Variants in ARSL observed in about 807,000 individuals in gnomAD.
The protein encoded by ARSL is arylsulfatase E (chondrodysplasia punctata 1).
ARSL carries 4 observed loss-of-function variants against 31.1 expected under a neutral mutation model. The observed-to-expected ratio is 0.13, with a 90% CI of 0.06 to 0.29. ARSL has a LOEUF of 0.29. Among genes scored for constraint, ARSL ranks in the 10% least tolerant of loss-of-function variants. The pLI is 1.00. For missense variants in ARSL, 312 were observed against 497.8 expected (o/e 0.63, Z 3.55); for synonymous variants, 198 against 209.9 (o/e 0.94, Z 0.49).
chrX:2,935,654 G>T (rs1171149594), intron 10 of ARSL, among the ~76,000 whole-genome samples: 4 of 108,410 alleles, frequency 3.7e-5, no homozygotes, highest in Non-Finnish European at 5.7e-5. Context: ...CCTGTGAATT[G>T]CACTCAGTCA....
chrX:2,953,909 C>T (rs1171506745), intron 4 of ARSL, among the ~76,000 whole-genome samples: 2 of 110,007 alleles, frequency 1.8e-5, no homozygotes, highest in Non-Finnish European at 3.8e-5. Context: ...TTGGCAGAGA[C>T]GGGGTCTCAC....
chrX:2,960,456 A>G (rs200904623), intron 1 of ARSL, 36 bp from the exon 2 acceptor site: 145 of 1,190,744 alleles, frequency 1.2e-4, no homozygotes, highest in Admixed American at 4.5e-5. Flanking sequence ...TCACATTGAC[A>G]GCAGAAATTG....
At chrX:2,956,913 ATTTTT>A (rs1038149934) in intron 3 of ARSL, among the ~76,000 whole-genome samples, 1 of 105,561 alleles carries the variant, frequency 9.5e-6, no homozygotes, top group South Asian at 4.4e-4. Context: ...TGCCTGGCTA[ATTTTT>A]TTTTTAATTT....
At chrX:2,965,355 G>A (rs1001097369), upstream of ARSL, among the ~76,000 whole-genome samples, 1 of 108,052 alleles carries the variant, frequency 9.3e-6, no homozygotes, top group Admixed American at 1.0e-4. Flanking sequence ...AGAAAAATTA[G>A]CCAGGCATGG....
At chrX:2,945,893 A>G (rs2089371881) in intron 7 of ARSL, 105 bp downstream of exon 7, 1 of 1,079,350 alleles carries the variant, frequency 9.3e-7, no homozygotes, top group African/African-American at 1.8e-5. Flanking sequence ...TCGCACTGCA[A>G]TCGCTATTCT....
chrX:2,954,439 G>A (rs1414720256), intron 4 of ARSL, among the ~76,000 whole-genome samples: 2 of 111,194 alleles, frequency 1.8e-5, no homozygotes, highest in African/African-American at 6.6e-5. Flanking sequence ...GGGATTACAG[G>A]CACTCATCAT....
chrX:2,954,770 T>C (rs549879753), intron 4 of ARSL, among the ~76,000 whole-genome samples: 1 of 111,895 alleles, frequency 8.9e-6, no homozygotes, highest in South Asian at 3.7e-4. Context: ...GGGTGAGCCA[T>C]GCTGTGTGAC....
chrX:2,935,310 G>A (rs753170566), intron 10 of ARSL, 120 bp from the exon 11 acceptor site: 2 of 628,207 alleles, frequency 3.2e-6, no homozygotes, highest in East Asian at 3.3e-5. Context: ...TGGATGGACA[G>A]ATAAACAAAA....
intron 5 of ARSL, among the ~76,000 whole-genome samples, chrX:2,952,458 C>A (rs758720213): frequency 9.0e-6 from 1 of 110,833 alleles, no homozygotes. Context: ...TGAGCCACCG[C>A]GCCTGACCAG....
In ARSL at chrX:2,949,716, G is replaced by C; in HGVS notation, c.442C>G (p.Leu148Val). 8.3e-7 allele frequency: 1 copy of C among 1,211,156 alleles called. No homozygotes were observed. The highest frequency in any genetic ancestry group is 1.7e-5 in the African/African-American group (1 of 57,871). Reference protein sequence around the residue: ...YATGLIGKWHLGLNCESASDH... With the variant: ...YATGLIGKWHVGLNCESASDH... ...CTGGCTGACTCACAGTTGAGACCCA[G>C]ATGCCATTTTCCTGAGAGGCAAAAA... The change falls in exon 6 of 11, where the codon CTG becomes GTG. Residue 148 changes from leucine to valine, a missense_variant. By Grantham distance (32) the Leu-to-Val change is conservative. Transcript: ENST00000381134.
intron 3 of ARSL, among the ~76,000 whole-genome samples, chrX:2,956,707 G>T (rs1382152167): frequency 9.2e-6 from 1 of 108,224 alleles, no homozygotes; most frequent in African/African-American, 3.4e-5. Context: ...CAAGTGATCA[G>T]CCTGCCTTGG....
intron 7 of ARSL, 69 bp from the exon 8 acceptor site, chrX:2,943,268 T>C: frequency 8.6e-7 from 1 of 1,157,131 alleles, no homozygotes; most frequent in Non-Finnish European, 1.2e-6. Flanking sequence ...CTGAAGTGTA[T>C]GCTTTAGCAT....
At chrX:2,941,048 A>G (rs1408992377) in intron 8 of ARSL, among the ~76,000 whole-genome samples, 2 of 111,352 alleles carry the variant, frequency 1.8e-5, no homozygotes, top group Non-Finnish European at 3.8e-5. Context: ...CTCCTCACCC[A>G]GAGCTCTTTA....
rs5982944 is a variant in ARSL, at chrX:2,964,339, A to G, written c.-136T>C. On this transcript the variant is annotated 5_prime_UTR_variant, in exon 1 of 11. Transcript: ENST00000381134. The stretch of plus-strand genomic sequence containing the variant: ...ACAAGGCTTTGAGCTGGGAATGATT[A>G]ACTTCGAGTTTGTTTTTCCCAAGTC... 0.027 allele frequency: 20,564 copies of G among 751,686 alleles called. 3,095 individuals carry two copies. In the African/African-American group the frequency reaches 0.43, roughly 16 times the overall value. 61.9% of individuals were successfully genotyped at this position (751,686 alleles called of 1,213,427 possible). A position where few individuals can be genotyped will look rare whatever the true frequency, so the allele number is the denominator to read the frequency against.
intron 8 of ARSL, among the ~76,000 whole-genome samples, chrX:2,941,563 C>G (rs776379783): frequency 4.4e-4 from 49 of 111,911 alleles, no homozygotes; most frequent in Admixed American, 4.3e-3. Flanking sequence ...CCTCCACAAT[C>G]CTTTATCTTA....
chrX:2,955,654 T>G, intron 3 of ARSL, 117 bp from the exon 4 acceptor site: 1 of 868,942 alleles, frequency 1.2e-6, no homozygotes, highest in South Asian at 2.2e-5. Flanking sequence ...TTCAAGATGT[T>G]CTCAGGAATG....
chrX:2,944,313 G>T (rs1200488791), intron 7 of ARSL, among the ~76,000 whole-genome samples: 1 of 109,093 alleles, frequency 9.2e-6, no homozygotes, highest in Non-Finnish European at 1.9e-5. Flanking sequence ...AATTAGCCAG[G>T]CATGGTGGCG....
At chrX:2,960,141 C>A (rs369386046) in intron 2 of ARSL, among the ~76,000 whole-genome samples, 5 of 86,282 alleles carry the variant, frequency 5.8e-5, no homozygotes, top group East Asian at 3.2e-4. Context: ...TGGTGGCAGG[C>A]GCCTGTAGTC....
chrX:2,945,138 G>A (rs376632954), intron 7 of ARSL, among the ~76,000 whole-genome samples: 9 of 111,130 alleles, frequency 8.1e-5, no homozygotes, highest in African/African-American at 1.6e-4. Context: ...TTAGGGGTGC[G>A]TCAGGGCAGG....
Sources: gnomAD v4.1 joint callset for allele counts (sites outside exome capture counted in the v4.1 genomes callset) on GRCh38, gnomAD v4.1.1 for gene constraint, MANE v1.5 for transcripts, NCBI Gene and HGNC (gene_info 2026-07-23, HGNC 2026-07-21) for gene names.